KDM4C: variants seen among roughly 807,000 people sequenced by gnomAD.
KDM4C encodes lysine demethylase 4C.
A neutral mutation model predicts 129.3 loss-of-function variants in KDM4C; 81 were observed. The observed-to-expected ratio is 0.63, with a 90% CI of 0.52 to 0.75. The LOEUF (loss-of-function observed/expected upper bound fraction) is 0.75, where lower values mean the gene tolerates loss of function less well. KDM4C is among the 30% of genes least tolerant of loss of function. The pLI is 0.00. For missense variants in KDM4C, 1,457 were observed against 1,304.0 expected, an observed-to-expected ratio of 1.12 and a Z score of -1.81; for synonymous variants, 573 against 456.1, an observed-to-expected ratio of 1.26 and a Z score of -3.26.
intron 10 of KDM4C, 95 bp from the exon 11 acceptor site, chr9:6,986,249 G>A: frequency 1.2e-6 from 1 of 813,510 alleles, no homozygotes. Context: ...GTGTATGTGT[G>A]TGTAAGATAC....
At chr9:7,050,181 T>G (rs546218080) in intron 17 of KDM4C, among the ~76,000 whole-genome samples, 2 of 152,082 alleles carry the variant, frequency 1.3e-5, no homozygotes, top group Non-Finnish European at 2.9e-5. Flanking sequence ...TTTGCCATCA[T>G]ACCTCCATCA....
At chr9:7,172,350 T>C (rs1304523304) in intron 21 of KDM4C, among the ~76,000 whole-genome samples, 2 of 152,214 alleles carry the variant, frequency 1.3e-5, no homozygotes, top group Non-Finnish European at 2.9e-5. Context: ...TCTCACAGAA[T>C]AACCATAGCA....
chr9:6,864,291 A>G (rs973555602), intron 5 of KDM4C, among the ~76,000 whole-genome samples: 31 of 152,118 alleles, frequency 2.0e-4, no homozygotes, highest in Non-Finnish European at 8.8e-5. Flanking sequence ...TTGGATGACA[A>G]TCCCCATTTT....
At chr9:6,945,252 A>G (rs920441340) in intron 8 of KDM4C, among the ~76,000 whole-genome samples, 6 of 152,244 alleles carry the variant, frequency 3.9e-5, no homozygotes, top group African/African-American at 1.2e-4. Context: ...GTAAACAATA[A>G]TATAACATGA....
chr9:7,092,009 G>A (rs1835864657), intron 17 of KDM4C, among the ~76,000 whole-genome samples: 1 of 152,138 alleles, frequency 6.6e-6, no homozygotes, highest in African/African-American at 2.4e-5. Context: ...CCTGATAACT[G>A]GGGTGATCTG....
At chr9:6,968,136 A>G (rs1831321710) in intron 8 of KDM4C, among the ~76,000 whole-genome samples, 1 of 152,180 alleles carries the variant, frequency 6.6e-6, no homozygotes, top group South Asian at 2.1e-4. Flanking sequence ...TTTCAAAAGT[A>G]AGAACTAAGA....
chr9:6,732,334 C>T (rs1444702858), intron 1 of KDM4C, among the ~76,000 whole-genome samples: 2 of 126,540 alleles, frequency 1.6e-5, no homozygotes, highest in African/African-American at 6.0e-5. Context: ...CACTGCACTC[C>T]AGCCTGGGTG....
intron 2 of KDM4C, among the ~76,000 whole-genome samples, chr9:6,799,974 G>T (rs1348942886): frequency 6.6e-6 from 1 of 151,994 alleles, no homozygotes; most frequent in Non-Finnish European, 1.5e-5. Context: ...TGTAGTCCCA[G>T]CACTTTGGGA....
chr9:7,059,762 A>C (rs762905665), intron 17 of KDM4C, among the ~76,000 whole-genome samples: 4 of 152,194 alleles, frequency 2.6e-5, no homozygotes, highest in Admixed American at 6.5e-5. Context: ...AAAATTTAAA[A>C]CAACGCCACT....
intron 19 of KDM4C, among the ~76,000 whole-genome samples, chr9:7,160,304 T>TA (rs753229090): frequency 1.3e-5 from 2 of 152,206 alleles, no homozygotes; most frequent in Non-Finnish European, 2.9e-5. Flanking sequence ...AGAAGTTTGT[T>TA]ATTACCGACC....
At chr9:7,021,707 G>GT (rs1191283418) in intron 15 of KDM4C, among the ~76,000 whole-genome samples, 4 of 152,092 alleles carry the variant, frequency 2.6e-5, no homozygotes, top group Admixed American at 2.6e-4. Context: ...TGTTTATGGG[G>GT]TATTACTCAA....
Position 6,758,733 on chromosome 9 carries a change from T to G in KDM4C, c.-18+530T>G, listed in dbSNP as rs567237168. On this transcript the variant is annotated intron_variant, in intron 1 of 21. Coordinates refer to ENST00000381309, the MANE Select transcript of KDM4C (RefSeq NM_015061.6). This position sits in a 1 kb window ranked among gnomAD's most constrained non-coding sequence, Gnocchi z 4.6. ...TCGCGGCTGTCCTTTTGGTGTTTCT[T>G]TCCCCCGGCATGGGGCCATTTCTTC... Among the ~76,000 whole-genome samples, 1 of 152,330 alleles carries G rather than the reference T, an allele frequency of 6.6e-6. No individual in the cohort carries two copies. Among genetic ancestry groups the G allele is most frequent in the Admixed American group, 6.5e-5 (1 of 15,308 alleles).
intron 8 of KDM4C, among the ~76,000 whole-genome samples, chr9:6,900,661 G>A (rs1406928428): frequency 1.3e-5 from 2 of 152,212 alleles, no homozygotes; most frequent in Non-Finnish European, 2.9e-5. Context: ...CAATGGACAT[G>A]TTATTTTGGA....
chr9:7,074,395 G>A (rs570086274), intron 17 of KDM4C, among the ~76,000 whole-genome samples: 3 of 151,978 alleles, frequency 2.0e-5, no homozygotes, highest in Non-Finnish European at 4.4e-5. Flanking sequence ...TCGAACTCCT[G>A]ACCTCAAATG....
intron 8 of KDM4C, among the ~76,000 whole-genome samples, chr9:6,975,704 G>T (rs1238141133): frequency 6.7e-6 from 1 of 148,334 alleles, no homozygotes; most frequent in African/African-American, 2.5e-5. Flanking sequence ...GTCAGATGGG[G>T]CAAAGTATCT....
At position 6,825,649 on chromosome 9, in the gene KDM4C, A is replaced by G. The variant is rs528171668; in HGVS notation, c.435+10904A>G. On this transcript the variant is annotated intron_variant, in intron 4 of 21. Transcript: ENST00000381309. Reference sequence around the variant, plus strand: ...ACAGCATGTGAACTCATGTCTCTGCATCTCAAAATATAGAAAATATTTTAA... The same window carrying G: ...ACAGCATGTGAACTCATGTCTCTGCGTCTCAAAATATAGAAAATATTTTAA... Among the ~76,000 whole-genome samples the G allele has an allele frequency of 2.6e-5, 4 of 152,240 alleles. No individual in the cohort carries two copies. The South Asian group carries it at 8.3e-4, about 32-fold the overall frequency.
chr9:6,742,826 A>C (rs929127862), intron 1 of KDM4C, among the ~76,000 whole-genome samples: 2 of 151,900 alleles, frequency 1.3e-5, no homozygotes, highest in Non-Finnish European at 2.9e-5. Flanking sequence ...TTGACGCAGA[A>C]AATGGGGTCA....
chr9:6,880,267 C>T (rs545579026), intron 6 of KDM4C, among the ~76,000 whole-genome samples: 3 of 152,058 alleles, frequency 2.0e-5, no homozygotes, highest in East Asian at 3.9e-4. Context: ...TTCCCTATTG[C>T]ATAATCGTCA....
At chr9:6,990,298 A>C (rs1818490696) in intron 11 of KDM4C, 118 bp from the exon 12 acceptor site, 1 of 720,834 alleles carries the variant, frequency 1.4e-6, no homozygotes, top group Non-Finnish European at 2.4e-6. Flanking sequence ...CCAAGAGGTA[A>C]ACAACCACAA....
Sources: allele counts gnomAD v4.1 joint callset (sites outside exome capture counted in the v4.1 genomes callset), GRCh38; gene constraint gnomAD v4.1.1; non-coding constraint Gnocchi (gnomAD v3.1); transcripts MANE v1.5; gene names NCBI Gene and HGNC (gene_info 2026-07-23, HGNC 2026-07-21).